Variants in CHD9 observed in about 807,000 individuals in gnomAD.
CHD9 encodes the protein ATP-dependent chromatin remodeler CHD9.
In CHD9, 77 loss-of-function variants were observed where a neutral mutation model predicts 316.1. The ratio of observed to expected loss-of-function variants is 0.24; its 90% CI spans 0.20 to 0.29. The LOEUF is 0.29. Among genes scored for constraint, CHD9 ranks in the 10% least tolerant of loss-of-function variants. The pLI is 1.00. For missense variants in CHD9, 2,763 were observed against 3,438.1 expected, an observed-to-expected ratio of 0.80 and a Z score of 4.91; for synonymous variants, 1,129 against 1,158.3, an observed-to-expected ratio of 0.97 and a Z score of 0.51.
intron 2 of CHD9, among the ~76,000 whole-genome samples, chr16:53,185,636 T>C (rs1488974265): frequency 6.6e-6 from 1 of 152,224 alleles, no homozygotes; most frequent in Non-Finnish European, 1.5e-5. Context: ...TCAGAGACTT[T>C]CGTGGCAGTC....
intron 2 of CHD9, among the ~76,000 whole-genome samples, chr16:53,194,679 C>T (rs2044746335): frequency 6.6e-6 from 1 of 152,142 alleles, no homozygotes; most frequent in African/African-American, 2.4e-5. Flanking sequence ...TAGATTTAAA[C>T]ATTGTATTTC....
intron 1 of CHD9, among the ~76,000 whole-genome samples, chr16:53,122,717 A>T (rs964512497): frequency 2.0e-5 from 3 of 149,858 alleles, no homozygotes; most frequent in Non-Finnish European, 4.5e-5. Flanking sequence ...GCTAATTTTT[A>T]TTTTTTTGAG....
intron 1 of CHD9, among the ~76,000 whole-genome samples, chr16:53,101,978 A>G (rs939435606): frequency 6.6e-6 from 1 of 152,218 alleles, no homozygotes; most frequent in Non-Finnish European, 1.5e-5. Context: ...GGGTCGTAGG[A>G]AAAAAGTGGA....
intron 30 of CHD9, among the ~76,000 whole-genome samples, chr16:53,297,939 A>G (rs1016189331): frequency 6.6e-6 from 1 of 152,230 alleles, no homozygotes; most frequent in African/African-American, 2.4e-5. Context: ...CTACTGGAAA[A>G]CCATAAATGA....
Position 53,245,782 on chromosome 16 carries a change from A to C in CHD9, c.3386A>C (p.Asn1129Thr). The change falls in exon 15 of 39, where the codon AAT (asparagine) becomes ACT (threonine). Residue 1129 changes from asparagine (N) to threonine (T), a missense_variant. By Grantham distance (65) the Asn-to-Thr change is moderately conservative (BLOSUM62 0). Coordinates refer to ENST00000447540, the MANE Select transcript of CHD9 (RefSeq NM_001308319.2). The surrounding 1 kb of genome is among the most constrained non-coding windows in gnomAD (Gnocchi z 4.1). The stretch of plus-strand genomic sequence containing the variant: ...TTATCCAAAGGAGCAGGACAAACTA[A>C]TGTACCTAACTTGGTCAATACCATG... ...SFLSKGAGQT[N>T]VPNLVNTMME... The C allele has an allele frequency of 6.2e-7, 1 of 1,605,534 alleles. No individual in the cohort carries two copies. The highest frequency in any genetic ancestry group is 1.1e-5 in the South Asian group (1 of 89,032).
chr16:53,064,228 G>T (rs1291829454), intron 1 of CHD9, among the ~76,000 whole-genome samples: 3 of 152,098 alleles, frequency 2.0e-5, no homozygotes, highest in Non-Finnish European at 4.4e-5. Context: ...GAACTGGTTG[G>T]CCTTCCCAGA....
intron 1 of CHD9, among the ~76,000 whole-genome samples, chr16:53,058,304 A>G (rs2032416056): frequency 6.6e-6 from 1 of 152,044 alleles, no homozygotes; most frequent in South Asian, 2.1e-4. Context: ...TATTTTTAGT[A>G]GAGACGAGGT....
intron 2 of CHD9, among the ~76,000 whole-genome samples, chr16:53,174,818 C>T (rs1486825581): frequency 6.6e-6 from 1 of 151,976 alleles, no homozygotes; most frequent in South Asian, 2.1e-4. Context: ...CTTTGTTGCC[C>T]GGGCTTGTTT....
chr16:53,203,654 G>A (rs986541795), intron 2 of CHD9, among the ~76,000 whole-genome samples: 9 of 152,078 alleles, frequency 5.9e-5, no homozygotes, highest in African/African-American at 9.7e-5. Context: ...CTCTGTTGTT[G>A]AAAATTTATT....
At position 53,297,109 on chromosome 16, in the gene CHD9, C is replaced by T. The variant is rs372385862; in HGVS notation, c.5664C>T (p.Tyr1888=). The T allele has an allele frequency of 3.3e-4, 527 of 1,613,562 alleles. No individual in the cohort carries two copies. Among genetic ancestry groups the T allele is most frequent in the Non-Finnish European group, 4.1e-4 (487 of 1,179,750 alleles). ...ATGATAGTTTGGAAAAATATTTGTACGCATTCATGTCCATGTGTCGGAGGG... is the reference window on the plus strand; with the variant it reads ...ATGATAGTTTGGAAAAATATTTGTATGCATTCATGTCCATGTGTCGGAGGG... ...KTDDSLEKYL[Y]AFMSMCRRVC... is the part of the protein sequence containing the mutation. Residue 1888 remains tyrosine (Y), a synonymous_variant, in exon 30 of 39, where the codon TAC becomes TAT. Coordinates refer to ENST00000447540, the MANE Select transcript of CHD9 (RefSeq NM_001308319.2).
chr16:53,291,562 T>C (rs568901973), intron 27 of CHD9, among the ~76,000 whole-genome samples, 163 bp from the exon 28 acceptor site: 2 of 152,326 alleles, frequency 1.3e-5, no homozygotes, highest in Admixed American at 6.5e-5. Flanking sequence ...AGGATGAGAA[T>C]TGAGAATAAG....
chr16:53,294,113 G>A (rs1030440334), intron 29 of CHD9, among the ~76,000 whole-genome samples: 2 of 152,154 alleles, frequency 1.3e-5, no homozygotes, highest in Non-Finnish European at 2.9e-5. Context: ...TGAAGTCAAA[G>A]GGAACAAATC....
At chr16:53,234,312 ATTCTTT>A (rs941183734) in intron 10 of CHD9, among the ~76,000 whole-genome samples, 1 of 152,082 alleles carries the variant, frequency 6.6e-6, no homozygotes, top group African/African-American at 2.4e-5. Context: ...ACAGTTTGTT[ATTCTTT>A]TTCTTTTTCT....
At position 53,245,060 on chromosome 16, in the gene CHD9, G is replaced by A. The variant is rs953226300; in HGVS notation, c.3055-276G>A. Among the ~76,000 whole-genome samples the A allele has an allele frequency of 1.3e-4, 20 of 151,978 alleles. No homozygotes were observed. Among genetic ancestry groups the A allele is most frequent in the African/African-American group, 4.6e-4 (19 of 41,352 alleles). ...AAGCCCAGGAGTTCAAGGTTACAGT[G>A]GCACCACTGTAATTTATTCTAATCA... On this transcript the variant is annotated intron_variant, in intron 13 of 38. Coordinates refer to ENST00000447540, the MANE Select transcript of CHD9 (RefSeq NM_001308319.2). This position sits in a 1 kb window ranked among gnomAD's most constrained non-coding sequence, Gnocchi z 4.1.
At position 53,245,638 on chromosome 16, in the gene CHD9, G is replaced by A; in HGVS notation, c.3242G>A (p.Arg1081Gln). Residue 1081 changes from arginine (R) to glutamine (Q), a missense_variant, in exon 15 of 39, where the codon CGA (arginine) becomes CAA (glutamine). By Grantham distance (43) the Arg-to-Gln change is conservative. Around this residue, in one of 15 missense-constraint regions of CHD9, gnomAD observed 155 missense variants for 291.8 expected, o/e 0.53. Transcript: ENST00000447540. The surrounding 1 kb of genome is among the most constrained non-coding windows in gnomAD (Gnocchi z 4.1). ...ATCCTGAAACCAATGATGTTGAGAC[G>A]ATTAAAAGAAGATGTGGAAAAGAAG... is the stretch of plus-strand genomic sequence containing the variant. ...QAILKPMMLRRLKEDVEKKLA... is the reference protein window; with the variant it reads ...QAILKPMMLRQLKEDVEKKLA... 6.2e-7 allele frequency: 1 copy of A among 1,603,158 alleles called. No individual in the cohort carries two copies. Among genetic ancestry groups the A allele is most frequent in the Non-Finnish European group, 8.5e-7 (1 of 1,176,198 alleles).
chr16:53,156,545 A>T lies in CHD9; in HGVS notation c.456A>T (p.Gln152His), dbSNP rs201595315. The change falls in exon 2 of 39, where the codon CAA becomes CAT. Residue 152 changes from glutamine (Q) to histidine (H), a missense_variant. By Grantham distance (24) the Gln-to-His change is conservative (BLOSUM62 0). This residue lies in a region of CHD9 where 859 missense variants were observed against 890.4 expected (regional missense o/e 0.96). Transcript: ENST00000447540. ...HQQGHSHSMH[Q>H]NKSFVAHHDF... ...AAGGACATTCACACTCTATGCATCA[A>T]AATAAAAGCTTTGTGGCACACCATG... is the stretch of plus-strand genomic sequence containing the variant. 1 of 1,614,022 alleles carries T rather than the reference A, an allele frequency of 6.2e-7. No individual in the cohort carries two copies.
At position 53,235,195 on chromosome 16, in the gene CHD9, C is replaced by A. The variant is rs1216941573; in HGVS notation, c.2522C>A (p.Pro841His). Residue 841 changes from proline to histidine, a missense_variant, in exon 11 of 39, where the codon CCT (proline) becomes CAT (histidine). Around this residue, in one of 15 missense-constraint regions of CHD9, gnomAD observed 186 missense variants for 245.0 expected, o/e 0.76. Coordinates refer to ENST00000447540, the MANE Select transcript of CHD9 (RefSeq NM_001308319.2). ...TGTTTTTCCACAAAGGACCGTCCTC[C>A]TTCTAATATTTGGAAGAAAATAGAT... ...RPDTRRLDRP[P>H]SNIWKKIDQS... 2.9e-5 allele frequency: 45 copies of A among 1,556,776 alleles called. No individual in the cohort carries two copies. The highest frequency in any genetic ancestry group is 3.7e-5 in the Non-Finnish European group (43 of 1,148,488).
intron 1 of CHD9, among the ~76,000 whole-genome samples, chr16:53,152,370 G>C (rs1024370467): frequency 6.6e-6 from 1 of 152,076 alleles, no homozygotes; most frequent in East Asian, 1.9e-4. Flanking sequence ...CTTGTTTTTG[G>C]TGTTTCTGTG....
At chr16:53,301,403 T>C (rs1349719644) in intron 30 of CHD9, among the ~76,000 whole-genome samples, 1 of 152,226 alleles carries the variant, frequency 6.6e-6, no homozygotes, top group Non-Finnish European at 1.5e-5. Flanking sequence ...CCAGAAGAAT[T>C]ACCTAACATT....
Sources: gnomAD v4.1 joint callset for allele counts (sites outside exome capture counted in the v4.1 genomes callset) on GRCh38, gnomAD v4.1.1 for gene constraint, gnomAD v4.1.1 regional missense constraint, Gnocchi (gnomAD v3.1) non-coding constraint, MANE v1.5 for transcripts, NCBI Gene and HGNC (gene_info 2026-07-23, HGNC 2026-07-21) for gene names.